Variants in TEX36 observed in about 807,000 individuals in gnomAD.
The protein encoded by TEX36 is testis-expressed protein 36.
In TEX36, 12 loss-of-function variants were observed where a neutral mutation model predicts 13.6. The ratio of observed to expected loss-of-function variants is 0.88; its 90% CI spans 0.56 to 1.43. The LOEUF is 1.43. Ranked by LOEUF, TEX36 falls within the 40% of genes most tolerant of loss-of-function variation. The probability of loss-of-function intolerance (pLI) is 0.00; values close to 1 mark genes in which losing one functional copy is unlikely to be tolerated. For missense variants in TEX36, 224 were observed against 228.3 expected (o/e 0.98, Z 0.12); for synonymous variants, 93 against 83.0 (o/e 1.12, Z -0.65).
chr10:125,640,104 T>G (rs1411380571), intron 3 of TEX36: 3 of 964,696 alleles, frequency 3.1e-6, no homozygotes, highest in African/African-American at 1.8e-5. Context: ...ATGAGCAAAG[T>G]TGTTTTTTCC....
At chr10:125,679,991 C>A (rs1260450726) in intron 1 of TEX36, among the ~76,000 whole-genome samples, 1 of 152,206 alleles carries the variant, frequency 6.6e-6, no homozygotes, top group Non-Finnish European at 1.5e-5. Flanking sequence ...CACTGCTTTA[C>A]AAAAATCAGA....
intron 1 of TEX36, among the ~76,000 whole-genome samples, chr10:125,673,834 C>G (rs1847270295): frequency 6.6e-6 from 1 of 150,844 alleles, no homozygotes; most frequent in Non-Finnish European, 1.5e-5. Context: ...CCTGGCCTTT[C>G]TTTCTGGCTG....
At chr10:125,641,107 A>G (rs1184368103) in intron 3 of TEX36, among the ~76,000 whole-genome samples, 1 of 152,200 alleles carries the variant, frequency 6.6e-6, no homozygotes. Context: ...TGGAGCTGCA[A>G]TTGACCACTA....
At chr10:125,617,666 T>G (rs1036030457), downstream of TEX36, among the ~76,000 whole-genome samples, 3 of 152,282 alleles carry the variant, frequency 2.0e-5, no homozygotes, top group African/African-American at 7.2e-5. Context: ...GCTGTTAGTC[T>G]GATGGGCTTC....
At chr10:125,577,032 C>T (rs1451805445) in intron 3 of TEX36, among the ~76,000 whole-genome samples, 1 of 152,210 alleles carries the variant, frequency 6.6e-6, no homozygotes, top group African/African-American at 2.4e-5. Flanking sequence ...GCCCTAGGCC[C>T]ATCCATGAAC....
intron 3 of TEX36, among the ~76,000 whole-genome samples, chr10:125,608,805 G>A (rs975177533): frequency 6.6e-6 from 1 of 151,868 alleles, no homozygotes; most frequent in East Asian, 1.9e-4. Flanking sequence ...GGATATTAAC[G>A]GTATGTTAGA....
At chr10:125,670,532 G>T (rs755965387) in intron 1 of TEX36, among the ~76,000 whole-genome samples, 1 of 152,258 alleles carries the variant, frequency 6.6e-6, no homozygotes, top group Non-Finnish European at 1.5e-5. Flanking sequence ...CTCTCATTCT[G>T]TAGGTTGCCT....
chr10:125,590,282 T>A (rs112142204), intron 3 of TEX36, among the ~76,000 whole-genome samples: 2,292 of 151,234 alleles, frequency 0.015, 53 homozygotes, highest in African/African-American at 0.048. Flanking sequence ...GCTAATTTTT[T>A]AAAAAAAAAA....
In TEX36 at chr10:125,637,018, T is replaced by C. The variant is rs1846631354; in HGVS notation, c.265-15373A>G. On this transcript the variant is annotated intron_variant, in intron 3 of 3. Coordinates refer to the TEX36 transcript ENST00000526819. ...TAAACATCTCAGATAAGTAGAATTA[T>C]AGGCCTGGTGCGGTGGCTTATGCTG... Among the ~76,000 whole-genome samples, 4 of 152,058 alleles carry C rather than the reference T, an allele frequency of 2.6e-5. No homozygotes were observed. In the South Asian group the frequency reaches 8.3e-4, roughly 32 times the overall value.
chr10:125,636,809 G>A (rs9422904), intron 3 of TEX36, among the ~76,000 whole-genome samples: 4 of 152,036 alleles, frequency 2.6e-5, no homozygotes, highest in East Asian at 1.9e-4. Flanking sequence ...CGTCCTTTTC[G>A]ATGTTAAGTG....
intron 3 of TEX36, among the ~76,000 whole-genome samples, chr10:125,642,975 G>A (rs553651174): frequency 3.1e-4 from 47 of 152,288 alleles, no homozygotes; most frequent in African/African-American, 7.0e-4. Context: ...AGGTCAGGTC[G>A]GCTACAAATG....
chr10:125,576,640 G>T (rs1217069799), exon 4 of TEX36: 1 of 1,359,248 alleles, frequency 7.4e-7, no homozygotes, highest in East Asian at 2.5e-5. Context: ...AATCCTGGTG[G>T]TTACTAACTA....
At chr10:125,618,192 A>AT (rs557914726), downstream of TEX36, among the ~76,000 whole-genome samples, 32 of 151,910 alleles carry the variant, frequency 2.1e-4, no homozygotes, top group Admixed American at 4.6e-4. Context: ...ATTCTTCTAA[A>AT]TTTTTTTCAA....
Position 125,644,321 on chromosome 10 carries a change from C to T in TEX36, c.264+16700G>A, listed in dbSNP as rs545288545. The stretch of plus-strand genomic sequence containing the variant: ...TGCTTGAGAGCTGAGGAAGATAGAG[C>T]CAGGTATTTAAGTAGCCATCTAAGA... On this transcript the variant is annotated intron_variant, in intron 3 of 3. Coordinates refer to the TEX36 transcript ENST00000526819. Among the ~76,000 whole-genome samples, 98 of 151,932 alleles carry T rather than the reference C, an allele frequency of 6.5e-4. 2 individuals are homozygous for T. The South Asian group carries it at 0.02, about 31-fold the overall frequency.
At chr10:125,593,105 G>A (rs1159204106) in intron 3 of TEX36, among the ~76,000 whole-genome samples, 1 of 152,160 alleles carries the variant, frequency 6.6e-6, no homozygotes, top group Non-Finnish European at 1.5e-5. Flanking sequence ...ACTGAGGGTG[G>A]GAGGTGGGGC....
At chr10:125,629,738 G>T (rs1846529239) in intron 3 of TEX36, among the ~76,000 whole-genome samples, 1 of 152,118 alleles carries the variant, frequency 6.6e-6, no homozygotes, top group Non-Finnish European at 1.5e-5. Context: ...TTGAAATGTA[G>T]ATTCACTTCT....
intron 3 of TEX36, among the ~76,000 whole-genome samples, chr10:125,647,709 G>T (rs753113780): frequency 5.3e-5 from 8 of 152,128 alleles, no homozygotes; most frequent in Non-Finnish European, 1.0e-4. Flanking sequence ...GCGGGGCATT[G>T]CCTCACCCAG....
At chr10:125,626,190 T>A (rs1222148316) in intron 3 of TEX36, among the ~76,000 whole-genome samples, 1 of 152,094 alleles carries the variant, frequency 6.6e-6, no homozygotes, top group Admixed American at 6.5e-5. Context: ...CCTCCTCCCT[T>A]CTACAAGTTC....
intron 1 of TEX36, among the ~76,000 whole-genome samples, chr10:125,663,314 T>G (rs1348999977): frequency 6.6e-6 from 1 of 152,236 alleles, no homozygotes; most frequent in African/African-American, 2.4e-5. Context: ...TTATGAACAC[T>G]TAGGTTGATT....
Sources: allele counts gnomAD v4.1 joint callset (sites outside exome capture counted in the v4.1 genomes callset), GRCh38; gene constraint gnomAD v4.1.1; transcripts MANE v1.5; gene names NCBI Gene and HGNC (gene_info 2026-07-23, HGNC 2026-07-21).